Variants in NCL observed in about 807,000 individuals in gnomAD.
The protein encoded by NCL is nucleolin multifunctional protein.
Under a neutral mutation model 77.7 loss-of-function variants are expected in NCL, and 4 were observed. That is an observed-to-expected ratio of 0.05 (90% CI 0.03 to 0.12). The LOEUF is 0.12. NCL is among the 10% of genes least tolerant of loss of function. The probability of loss-of-function intolerance (pLI) is 1.00; values close to 1 mark genes in which losing one functional copy is unlikely to be tolerated. For synonymous variants in NCL, 344 were observed against 297.8 expected (o/e 1.16, Z -1.60); for missense variants, 763 against 860.9 (o/e 0.89, Z 1.42).
chr2:231,463,727 T>C (rs2046973286), intron 1 of NCL: 1 of 176,570 alleles, frequency 5.7e-6, no homozygotes, highest in African/African-American at 2.4e-5. Flanking sequence ...AGCTTATGCC[T>C]TTCCCAGCGA....
In NCL at chr2:231,463,196, T is replaced by C; in HGVS notation, c.135+4A>G. The stretch of plus-strand genomic sequence containing the variant: ...TAATTCTGCATTAAGTTGGATAAAA[T>C]TACCTCTTCTCCACTGCTATCATCT... On this transcript the variant is annotated splice_donor_region_variant and intron_variant, in intron 2 of 13. Transcript: ENST00000322723. The C allele has an allele frequency of 6.4e-7, 1 of 1,566,552 alleles. No homozygotes were observed. The highest frequency in any genetic ancestry group is 8.7e-7 in the Non-Finnish European group (1 of 1,149,350).
At position 231,454,444 on chromosome 2, in the gene NCL, CTGAAGCTCTTCCT is replaced by C. The variant is rs1452344380; in HGVS notation, c.*734_*746del. ...TACAGGAGTTAGCCACTGCTCTTCC[CTGAAGCTCTTCCT>C]TGTCCTAGGAAACCTGACTAATCTG... On this transcript the variant is annotated 3_prime_UTR_variant, in exon 14 of 14. Coordinates refer to ENST00000322723, the MANE Select transcript of NCL (RefSeq NM_005381.3). 6.6e-6 allele frequency: 1 copy of C among 152,410 alleles called. No individual in the cohort carries two copies. Among genetic ancestry groups the C allele is most frequent in the Admixed American group, 6.5e-5 (1 of 15,290 alleles). The allele number at this position is 152,410 out of a possible 1,614,324, so 9.4% of individuals were successfully genotyped here.
chr2:231,456,211 G>T, intron 11 of NCL, 75 bp from the exon 12 acceptor site: 1 of 1,560,232 alleles, frequency 6.4e-7, no homozygotes, highest in South Asian at 1.1e-5. Context: ...TGCCTAGTAT[G>T]ACTACTAGCC....
intron 3 of NCL, 152 bp downstream of exon 3, chr2:231,461,388 G>T: frequency 1.7e-6 from 2 of 1,179,356 alleles, no homozygotes; most frequent in Non-Finnish European, 2.4e-6. Context: ...ATCATTCATG[G>T]GTAATTAAGT....
chr2:231,461,524 C>T lies in NCL; in HGVS notation c.613+16G>A. ...TTGTAATCAGAAGCCCAGTAACTAC[C>T]AAGACAACTCCTTACCATCTTCCTC... On this transcript the variant is annotated intron_variant, in intron 3 of 13. Coordinates refer to ENST00000322723, the MANE Select transcript of NCL (RefSeq NM_005381.3). 2 of 1,609,232 alleles carry T rather than the reference C, an allele frequency of 1.2e-6. No homozygotes were observed. The highest frequency in any genetic ancestry group is 1.7e-6 in the Non-Finnish European group (2 of 1,177,068).
rs2046914735 is a variant in NCL, at chr2:231,458,524, GC to G, written c.1166-136del. On this transcript the variant is annotated intron_variant, in intron 7 of 13. Coordinates refer to ENST00000322723, the MANE Select transcript of NCL (RefSeq NM_005381.3). ...GATCCTATAATGTACAAGGCTCGGT[GC>G]TAAATATGGAGATATAGCAGTGTCA... 8.0e-6 allele frequency: 9 copies of G among 1,124,072 alleles called. No homozygotes were observed. The East Asian group carries it at 2.1e-4, about 26-fold the overall frequency. 69.6% of individuals were successfully genotyped at this position (1,124,072 alleles called of 1,614,324 possible).
rs969303348 is a variant in NCL, at chr2:231,457,674, G to A, written c.1416C>T (p.Asp472=). 3.1e-6 allele frequency: 5 copies of A among 1,610,954 alleles called. No individual in the cohort carries two copies. Among genetic ancestry groups the A allele is most frequent in the Non-Finnish European group, 4.2e-6 (5 of 1,178,248 alleles). ...AAGTGCTATTCTTTCCACCTCTATAGTCTTGATTTTGACCTTTCTCTCCAG... is the reference window on the plus strand; with the variant it reads ...AAGTGCTATTCTTTCCACCTCTATAATCTTGATTTTGACCTTTCTCTCCAG... ...YYTGEKGQNQ[D]YRGGKNSTWS... Residue 472 remains aspartate, a synonymous_variant, in exon 9 of 14, where the codon GAC becomes GAT. Transcript: ENST00000322723.
chr2:231,463,710 C>T (rs138506752), intron 1 of NCL: 377 of 192,292 alleles, frequency 2.0e-3, no homozygotes, highest in Middle Eastern at 8.6e-3. Flanking sequence ...CCTTGATTTT[C>T]TCATGAAGCT....
chr2:231,461,235 G>A (rs950762430), intron 3 of NCL, among the ~76,000 whole-genome samples: 3 of 151,170 alleles, frequency 2.0e-5, no homozygotes, highest in Admixed American at 1.3e-4. Context: ...GAGATAGCGC[G>A]CCATTGCACT....
rs774825266 is a variant in NCL, at chr2:231,461,964, C to T, written c.189G>A (p.Lys63=). The T allele has an allele frequency of 1.6e-5, 26 of 1,614,096 alleles. No individual in the cohort carries two copies. In the South Asian group the frequency reaches 2.7e-4, roughly 17 times the overall value. Residue 63 remains lysine (K), a synonymous_variant, in exon 3 of 14, where the codon AAG becomes AAA. Coordinates refer to ENST00000322723, the MANE Select transcript of NCL (RefSeq NM_005381.3). The stretch of plus-strand genomic sequence containing the variant: ...CCTTTTTTGTTGGGGAAACGACCAC[C>T]TTCTTTGCTGAGGTTGCAGCAGCCT... ...GKKAAATSAK[K]VVVSPTKKVA... is the part of the protein sequence containing the mutation.
At chr2:231,456,168 G>C (rs773333006) in intron 11 of NCL, 32 bp from the exon 12 acceptor site, 8 of 1,612,778 alleles carry the variant, frequency 5.0e-6, no homozygotes, top group Admixed American at 3.3e-5. Flanking sequence ...GACTTTATGT[G>C]AAGTCACAGT....
chr2:231,464,304 A>G (rs777208921), intron 1 of NCL, 32 bp downstream of exon 1: 46 of 1,578,440 alleles, frequency 2.9e-5, no homozygotes, highest in Non-Finnish European at 3.8e-5. Context: ...AAGCAGGCCT[A>G]CACGTCTGCG....
At chr2:231,455,862 C>T in intron 12 of NCL, 148 bp downstream of exon 12, 1 of 1,335,550 alleles carries the variant, frequency 7.5e-7, no homozygotes, top group Non-Finnish European at 1.1e-6. Flanking sequence ...AATGCTAGTT[C>T]TGTGAATTCT....
chr2:231,463,219 T>C lies in NCL; in HGVS notation c.116A>G (p.Asp39Gly), dbSNP rs764247143. ...AATTACCTCTTCTCCACTGCTATCATCTTCTTCATCTTCTGACATTTCCTC... is the reference window on the plus strand; with the variant it reads ...AATTACCTCTTCTCCACTGCTATCACCTTCTTCATCTTCTGACATTTCCTC... ...EDEEMSEDEE[D>G]DSSGEEVVIP... Residue 39 changes from aspartate to glycine, a missense_variant, in exon 2 of 14, where the codon GAT becomes GGT. Asp to Gly is a moderately conservative substitution (Grantham distance 94, BLOSUM62 -1). Coordinates refer to ENST00000322723, the MANE Select transcript of NCL (RefSeq NM_005381.3). 6.8e-5 allele frequency: 109 copies of C among 1,608,870 alleles called. No homozygotes were observed. The South Asian group carries it at 1.1e-3, about 16-fold the overall frequency.
At chr2:231,463,121 C>T (rs1463310468) in intron 2 of NCL, 79 bp downstream of exon 2, 2 of 1,056,328 alleles carry the variant, frequency 1.9e-6, no homozygotes, top group Non-Finnish European at 2.8e-6. Context: ...CTTATTTTTG[C>T]CACAGATATC....
At chr2:231,456,401 G>C in intron 11 of NCL, 1 of 954,226 alleles carries the variant, frequency 1.0e-6, no homozygotes, top group Non-Finnish European at 1.7e-6. Context: ...CAGTGGATGG[G>C]GCAGGAAATC....
intron 1 of NCL, 85 bp downstream of exon 1, chr2:231,464,251 C>G (rs1346082050): frequency 6.5e-7 from 1 of 1,527,262 alleles, no homozygotes. Flanking sequence ...CCCGGGACTG[C>G]GCGCAGGCCC....
At chr2:231,457,337 G>A (rs1359417262) in intron 9 of NCL, 1 of 789,574 alleles carries the variant, frequency 1.3e-6, no homozygotes, top group Admixed American at 2.0e-5. Context: ...GCTGATGACT[G>A]GTCTGTTTTC....
chr2:231,462,106 A>G, intron 2 of NCL, 89 bp from the exon 3 acceptor site: 1 of 1,509,090 alleles, frequency 6.6e-7, no homozygotes, highest in Admixed American at 1.7e-5. Context: ...GACTCTGGCA[A>G]TGCCTCTGGT....
Sources: allele counts gnomAD v4.1 joint callset (sites outside exome capture counted in the v4.1 genomes callset), GRCh38; gene constraint gnomAD v4.1.1; transcripts MANE v1.5; gene names NCBI Gene and HGNC (gene_info 2026-07-23, HGNC 2026-07-21).